Variants in ACAA1 observed in about 807,000 individuals in gnomAD.
The protein encoded by ACAA1 is 3-ketoacyl-CoA thiolase, peroxisomal.
In ACAA1, 44 loss-of-function variants were observed where a neutral mutation model predicts 48.8. The observed-to-expected ratio is 0.90, with a 90% CI of 0.71 to 1.16. ACAA1 has a LOEUF of 1.16. Among genes scored for constraint, ACAA1 ranks in the 50% most tolerant of loss-of-function variants. The pLI, the probability that ACAA1 is intolerant of heterozygous loss-of-function variation, is 0.00. For missense variants in ACAA1, 512 were observed against 562.3 expected, an observed-to-expected ratio of 0.91 and a Z score of 0.90; for synonymous variants, 233 against 226.5, an observed-to-expected ratio of 1.03 and a Z score of -0.26.
rs746649857 is a variant in ACAA1, at chr3:38,131,577, G to A, written c.446+19C>T. 85 of 1,613,588 alleles carry A rather than the reference G, an allele frequency of 5.3e-5. No individual in the cohort carries two copies. In the Admixed American group the frequency reaches 7.5e-4, roughly 14 times the overall value. ...TGTCACAAGTTGGTTAATAAGCTCC[G>A]GCAGAAAAAAATTCTTACCCACAGG... On this transcript the variant is annotated intron_variant, in intron 5 of 11. Transcript: ENST00000333167.
At chr3:38,134,143 C>A in intron 2 of ACAA1, 134 bp from the exon 3 acceptor site, 1 of 825,048 alleles carries the variant, frequency 1.2e-6, no homozygotes, top group Non-Finnish European at 1.9e-6. Context: ...ACTTGCAACT[C>A]TGGAACATCA....
chr3:38,134,568 T>G (rs563245490), intron 2 of ACAA1: 1 of 453,462 alleles, frequency 2.2e-6, no homozygotes, highest in Non-Finnish European at 4.4e-6. Context: ...CAAAGAAAAA[T>G]TGTTTCTGCT....
rs552908519 is a variant in ACAA1, at chr3:38,127,944, G to T, written c.546-78C>A. 14 of 1,490,054 alleles carry T rather than the reference G, an allele frequency of 9.4e-6. No individual in the cohort carries two copies. In the South Asian group the frequency reaches 1.5e-4, roughly 16 times the overall value. 92.3% of individuals were successfully genotyped at this position (1,490,054 alleles called of 1,614,324 possible). ...GGGACCAGGCTGTAGAGCTGTGCTTGGAACTTTGGGTTCCCAAGGCTGTAG... is the reference window on the plus strand; with the variant it reads ...GGGACCAGGCTGTAGAGCTGTGCTTTGAACTTTGGGTTCCCAAGGCTGTAG... On this transcript the variant is annotated intron_variant, in intron 6 of 11. Transcript: ENST00000333167.
At chr3:38,125,744 T>C (rs779812329) in intron 10 of ACAA1, 34 bp from the exon 11 acceptor site, 3 of 1,613,620 alleles carry the variant, frequency 1.9e-6, no homozygotes, top group East Asian at 2.2e-5. Context: ...TATAGCCCTC[T>C]TACCCCTCCC....
At chr3:38,128,210 G>A (rs1229557778) in intron 6 of ACAA1, among the ~76,000 whole-genome samples, 1 of 152,192 alleles carries the variant, frequency 6.6e-6, no homozygotes, top group African/African-American at 2.4e-5. Context: ...TAGAAAAGGA[G>A]CAGGGGAGGG....
intron 3 of ACAA1, among the ~76,000 whole-genome samples, chr3:38,132,888 C>T (rs910586760): frequency 6.6e-6 from 1 of 152,184 alleles, no homozygotes. Flanking sequence ...TTCCTTCACT[C>T]AATCCACCAA....
At chr3:38,123,527 A>AAAT (rs1700591050) in intron 11 of ACAA1, 2 of 176,292 alleles carry the variant, frequency 1.1e-5, no homozygotes, top group African/African-American at 4.8e-5. Context: ...AAAATCCTGA[A>AAAT]AATATAATTC....
intron 4 of ACAA1, 86 bp downstream of exon 4, chr3:38,131,840 T>C: frequency 7.3e-7 from 1 of 1,377,352 alleles, no homozygotes; most frequent in Admixed American, 1.7e-5. Context: ...TCAGAAATGG[T>C]AATTATTGCT....
chr3:38,136,709 G>A lies in ACAA1; in HGVS notation c.172-24C>T. The A allele has an allele frequency of 3.1e-6, 5 of 1,589,648 alleles. No homozygotes were observed. The Admixed American group carries it at 6.9e-5, about 22-fold the overall frequency. The stretch of plus-strand genomic sequence containing the variant: ...TCCTGCAGCAGAAAGAGCAGCCGCA[G>A]TGACCCCCACTCCCCCATGCCCACC... On this transcript the variant is annotated intron_variant, in intron 1 of 11. Transcript: ENST00000333167.
Position 38,126,138 on chromosome 3 carries a change from T to C in ACAA1, c.997+24A>G, listed in dbSNP as rs1409800324. The C allele has an allele frequency of 4.4e-6, 7 of 1,608,160 alleles. No homozygotes were observed. The highest frequency in any genetic ancestry group is 3.4e-6 in the Non-Finnish European group (4 of 1,176,628). Reference sequence around the variant, plus strand: ...CTGCAGGATCCAGGTGGGACCCAGATACTATATGAAGGAGCCACCTTACCT... The same window carrying C: ...CTGCAGGATCCAGGTGGGACCCAGACACTATATGAAGGAGCCACCTTACCT... On this transcript the variant is annotated intron_variant, in intron 9 of 11. Transcript: ENST00000333167. This position sits in a 1 kb window ranked among gnomAD's most constrained non-coding sequence, Gnocchi z 4.7.
rs757749825 is a variant in ACAA1 at position 38,125,576 on chromosome 3, G to A, written c.1188C>T (p.Arg396=). The A allele has an allele frequency of 6.4e-7, 1 of 1,556,892 alleles. No individual in the cohort carries two copies. Among genetic ancestry groups the A allele is most frequent in the South Asian group, 1.2e-5 (1 of 81,812 alleles). Residue 396 remains arginine, a synonymous_variant, in exon 11 of 12, where the codon CGC becomes CGT. Transcript: ENST00000333167. ...QVITLLNELK[R]RGKRAYGVVS... ...GAGCAAAGCCTTACCTCTTCCCACGGCGCTTCAGCTCATTGAGCAGCGTGA... is the reference window on the plus strand; with the variant it reads ...GAGCAAAGCCTTACCTCTTCCCACGACGCTTCAGCTCATTGAGCAGCGTGA...
At position 38,127,858 on chromosome 3, in the gene ACAA1, G is replaced by A; in HGVS notation, c.554C>T (p.Ser185Phe). The A allele has an allele frequency of 6.2e-7, 1 of 1,614,174 alleles. No homozygotes were observed. The highest frequency in any genetic ancestry group is 1.1e-5 in the South Asian group (1 of 91,090). Residue 185 changes from serine to phenylalanine, a missense_variant, in exon 7 of 12, where the codon TCT (serine) becomes TTT (phenylalanine). Ser to Phe is a radical substitution (Grantham distance 155). Coordinates refer to ENST00000333167, the MANE Select transcript of ACAA1 (RefSeq NM_001607.4). ...GCCAAACCGCTCAGCCACATTCTCA[G>A]AGGTTATCCTAGAACACAAACAGCA... ...RDCLIPMGIT[S>F]ENVAERFGIS...
Position 38,123,103 on chromosome 3 carries a change from T to C in ACAA1, c.1219A>G (p.Met407Val), listed in dbSNP as rs1474235864. The C allele has an allele frequency of 1.2e-6, 2 of 1,614,178 alleles. No homozygotes were observed. The highest frequency in any genetic ancestry group is 3.3e-5 in the Admixed American group (2 of 60,016). Residue 407 changes from methionine to valine, a missense_variant, in exon 12 of 12, where the codon ATG becomes GTG. Physicochemically the swap from Met to Val is conservative, Grantham distance 21 (BLOSUM62 1). Coordinates refer to ENST00000333167, the MANE Select transcript of ACAA1 (RefSeq NM_001607.4). ...GCTCCCATTCCAGTCCCGATGCACA[T>C]GGACACCACTCCGTATGCCCTGTGA... The part of the protein sequence containing the change: ...RGKRAYGVVS[M>V]CIGTGMGAAA...
In ACAA1 at chr3:38,129,419, G is replaced by C; in HGVS notation, c.447-31C>G. On this transcript the variant is annotated intron_variant, in intron 5 of 11. Coordinates refer to ENST00000333167, the MANE Select transcript of ACAA1 (RefSeq NM_001607.4). This position sits in a 1 kb window ranked among gnomAD's most constrained non-coding sequence, Gnocchi z 5.3. ...GAGGAGGAAGAGGAGGAGAAGGTAAGGTGAACTGGGCCCTAGCAGGACTCC... is the reference window on the plus strand; with the variant it reads ...GAGGAGGAAGAGGAGGAGAAGGTAACGTGAACTGGGCCCTAGCAGGACTCC... 2 of 1,562,776 alleles carry C rather than the reference G, an allele frequency of 1.3e-6. No individual in the cohort carries two copies. The highest frequency in any genetic ancestry group is 1.8e-6 in the Non-Finnish European group (2 of 1,134,276).
In ACAA1 at chr3:38,137,114, C is replaced by T. The variant is rs1700926439; in HGVS notation, c.-79G>A. 8 of 1,194,486 alleles carry T rather than the reference C, an allele frequency of 6.7e-6. No individual in the cohort carries two copies. In the Admixed American group the frequency reaches 2.4e-4, roughly 35 times the overall value. The allele number at this position is 1,194,486 out of a possible 1,614,324, so 74.0% of individuals were successfully genotyped here. On this transcript the variant is annotated 5_prime_UTR_variant, in exon 1 of 12. Transcript: ENST00000333167. ...TAACAGACAGCCGTCCGCACACGCG[C>T]AGAACCACATCTCAGCCTCCAAGGC...
At position 38,129,365 on chromosome 3, in the gene ACAA1, T is replaced by G. The variant is rs768130587; in HGVS notation, c.470A>C (p.Asp157Ala). ...AGTAATATTTCCAGGGTTCCCTCTG[T>G]CAGCCAGGGACATGGACTCCACCCT... ...ACGVESMSLA[D>A]RGNPGNITSR... Residue 157 changes from aspartate to alanine, a missense_variant, in exon 6 of 12, where the codon GAC becomes GCC. Asp to Ala is a moderately radical substitution (Grantham distance 126). Coordinates refer to ENST00000333167, the MANE Select transcript of ACAA1 (RefSeq NM_001607.4). This position sits in a 1 kb window ranked among gnomAD's most constrained non-coding sequence, Gnocchi z 5.3. 1 of 1,614,076 alleles carries G rather than the reference T, an allele frequency of 6.2e-7. No homozygotes were observed. The highest frequency in any genetic ancestry group is 8.5e-7 in the Non-Finnish European group (1 of 1,179,992).
chr3:38,133,980 T>C lies in ACAA1; in HGVS notation c.295A>G (p.Ile99Val), dbSNP rs1575266234. ...AGAAACTGGGCGATTCGGGCCATGATTGCCCCGGCCCCAGGCTGCAGCACA... is the reference window on the plus strand; with the variant it reads ...AGAAACTGGGCGATTCGGGCCATGACTGCCCCGGCCCCAGGCTGCAGCACA... The part of the protein sequence containing the change: ...GNVLQPGAGA[I>V]MARIAQFLSD... The change falls in exon 3 of 12, where the codon ATC (isoleucine) becomes GTC (valine). Residue 99 changes from isoleucine (I) to valine (V), a missense_variant. Transcript: ENST00000333167. 1 of 1,614,140 alleles carries C rather than the reference T, an allele frequency of 6.2e-7. No homozygotes were observed. Among genetic ancestry groups the C allele is most frequent in the Non-Finnish European group, 8.5e-7 (1 of 1,180,010 alleles).
chr3:38,123,347 T>C (rs1700583876), intron 11 of ACAA1: 2 of 555,790 alleles, frequency 3.6e-6, no homozygotes, highest in Non-Finnish European at 6.5e-6. Flanking sequence ...ACAGGGATCA[T>C]GCCCCTACAT....
chr3:38,126,183 G>A lies in ACAA1; in HGVS notation c.976C>T (p.Pro326Ser). The change falls in exon 9 of 12, where the codon CCA becomes TCA. Residue 326 changes from proline (P) to serine (S), a missense_variant. Transcript: ENST00000333167. This position sits in a 1 kb window ranked among gnomAD's most constrained non-coding sequence, Gnocchi z 4.7. ...IMGIGPAYAIPVALQKAGLTV... is the reference protein window; with the variant it reads ...IMGIGPAYAISVALQKAGLTV... ...TTACCTGCTTTTTGCAAAGCTACTG[G>A]GATGGCATAGGCAGGTCCAATGCCC... The A allele has an allele frequency of 6.2e-7, 1 of 1,613,934 alleles. No individual in the cohort carries two copies. The highest frequency in any genetic ancestry group is 8.5e-7 in the Non-Finnish European group (1 of 1,179,904).
Sources: allele counts gnomAD v4.1 joint callset (sites outside exome capture counted in the v4.1 genomes callset), GRCh38; gene constraint gnomAD v4.1.1; non-coding constraint Gnocchi (gnomAD v3.1); transcripts MANE v1.5; gene names NCBI Gene and HGNC (gene_info 2026-07-23, HGNC 2026-07-21).